The following PRTN3 variants were observed in gnomAD, a reference collection of about 807,000 sequenced individuals.
PRTN3 encodes myeloblastin.
In PRTN3, 22 loss-of-function variants were observed where a neutral mutation model predicts 20.7. That is an observed-to-expected ratio of 1.06 (90% CI 0.76 to 1.52). The LOEUF (loss-of-function observed/expected upper bound fraction) is 1.52. Ranked by LOEUF, PRTN3 falls within the 40% of genes most tolerant of loss-of-function variation. PRTN3 has a pLI of 0.00. For missense variants in PRTN3, 378 were observed against 359.6 expected (o/e 1.05, Z -0.41); for synonymous variants, 173 against 152.9 (o/e 1.13, Z -0.97).
chr19:843,196 G>T (rs760827765), intron 1 of PRTN3: 80 of 494,962 alleles, frequency 1.6e-4, no homozygotes, highest in Non-Finnish European at 2.1e-4. Flanking sequence ...GATTACAGGC[G>T]TGAGCCACTG....
At chr19:843,736 G>T in intron 2 of PRTN3, 110 bp downstream of exon 2, 2 of 1,465,214 alleles carry the variant, frequency 1.4e-6, no homozygotes, top group Non-Finnish European at 1.8e-6. Context: ...CCCGTCTGCA[G>T]ACCCCAGGCC....
intron 1 of PRTN3, among the ~76,000 whole-genome samples, chr19:842,685 T>TCAAGCGATTCTCCTGCGTC (rs1171643136): frequency 1.3e-5 from 2 of 149,052 alleles, no homozygotes; most frequent in African/African-American, 5.0e-5. Context: ...CTTCCTGGGT[T>TCAAGCGATTCTCCTGCGTC]CAAGCGATTC....
Position 846,308 on chromosome 19 carries a change from G to A in PRTN3, c.531G>A (p.Val177=), listed in dbSNP as rs762345102. The A allele has an allele frequency of 1.0e-5, 16 of 1,593,350 alleles. No individual in the cohort carries two copies. The African/African-American group carries it at 1.5e-4, about 15-fold the overall frequency. Residue 177 remains valine (V), a synonymous_variant, in exon 4 of 5, where the codon GTG becomes GTA. Transcript: ENST00000234347. ...TCCTGCAGGAGCTCAATGTCACCGT[G>A]GTCACCTTCTTCTGCCGGCCACATA... The part of the protein sequence containing the change: ...AQVLQELNVT[V]VTFFCRPHNI...
chr19:841,197 C>A, intron 1 of PRTN3, 128 bp downstream of exon 1: 2 of 1,236,186 alleles, frequency 1.6e-6, no homozygotes, highest in Non-Finnish European at 2.3e-6. Flanking sequence ...TCAGGGGAGA[C>A]TCCACTCACT....
In PRTN3 at chr19:843,607, G is replaced by C; in HGVS notation, c.208G>C (p.Ala70Pro). 6.3e-7 allele frequency: 1 copy of C among 1,594,558 alleles called. No individual in the cohort carries two copies. The highest frequency in any genetic ancestry group is 8.5e-7 in the Non-Finnish European group (1 of 1,175,508). ...CCACCCCAGCTTCGTGCTGACGGCC[G>C]CGCACTGCCTGCGGGACATGTGAGC... ...LIHPSFVLTA[A>P]HCLRDIPQRL... The change falls in exon 2 of 5, where the codon GCG (alanine) becomes CCG (proline). Residue 70 changes from alanine (A) to proline (P), a missense_variant. By Grantham distance (27) the Ala-to-Pro change is conservative. Coordinates refer to ENST00000234347, the MANE Select transcript of PRTN3 (RefSeq NM_002777.4).
At position 847,906 on chromosome 19, in the gene PRTN3, A is replaced by T. The variant is rs2035540778; in HGVS notation, c.708A>T (p.Val236=). 1 of 1,608,338 alleles carries T rather than the reference A, an allele frequency of 6.2e-7. No homozygotes were observed. Among genetic ancestry groups the T allele is most frequent in the African/African-American group, 1.3e-5 (1 of 74,878 alleles). The change falls in exon 5 of 5, where the codon GTA becomes GTT. Residue 236 remains valine, a synonymous_variant. Coordinates refer to ENST00000234347, the MANE Select transcript of PRTN3 (RefSeq NM_002777.4). ...TRLFPDFFTR[V]ALYVDWIRST... is the part of the protein sequence containing the mutation. ...TTTTCCCTGACTTCTTCACGCGGGT[A>T]GCCCTCTACGTGGACTGGATCCGTT...
At chr19:844,071 G>A (rs1286826300) in intron 3 of PRTN3, 37 bp downstream of exon 3, 48 of 1,570,110 alleles carry the variant, frequency 3.1e-5, no homozygotes, top group Non-Finnish European at 4.1e-5. Flanking sequence ...GGAGGGGCAC[G>A]GCCAGAGGGC....
chr19:843,750 C>A, intron 2 of PRTN3, 124 bp downstream of exon 2: 1 of 1,447,774 alleles, frequency 6.9e-7, no homozygotes, highest in South Asian at 1.4e-5. Context: ...CCAGGCCCCG[C>A]GCGCGTGGGC....
At chr19:841,473 T>A (rs1333850655) in intron 1 of PRTN3, among the ~76,000 whole-genome samples, 2 of 151,480 alleles carry the variant, frequency 1.3e-5, no homozygotes, top group African/African-American at 4.9e-5. Flanking sequence ...AATGAATCAA[T>A]GAGTGAGTGA....
chr19:844,171 G>A, intron 3 of PRTN3, 137 bp downstream of exon 3: 2 of 1,204,072 alleles, frequency 1.7e-6, no homozygotes, highest in Non-Finnish European at 2.2e-6. Context: ...GGGTCCAGTG[G>A]CACTGGCCGG....
In PRTN3 at chr19:846,347, C is replaced by G; in HGVS notation, c.570C>G (p.Phe190Leu). Reference protein sequence around the residue: ...FFCRPHNICTFVPRRKAGICF... With the variant: ...FFCRPHNICTLVPRRKAGICF... ...GCCGGCCACATAACATTTGCACTTT[C>G]GTCCCTCGCCGCAAGGCCGGCATCT... Residue 190 changes from phenylalanine (F) to leucine (L), a missense_variant, in exon 4 of 5, where the codon TTC becomes TTG. Coordinates refer to ENST00000234347, the MANE Select transcript of PRTN3 (RefSeq NM_002777.4). 6.4e-7 allele frequency: 1 copy of G among 1,568,428 alleles called. No homozygotes were observed. Among genetic ancestry groups the G allele is most frequent in the Non-Finnish European group, 8.6e-7 (1 of 1,157,868 alleles).
chr19:843,302 C>G, intron 1 of PRTN3, 159 bp from the exon 2 acceptor site: 3 of 687,760 alleles, frequency 4.4e-6, no homozygotes, highest in Non-Finnish European at 7.0e-6. Context: ...TAATTATAAC[C>G]CCCCCGGCCT....
Position 846,267 on chromosome 19 carries a change from G to A in PRTN3, c.490G>A (p.Asp164Asn), listed in dbSNP as rs748173148. The A allele has an allele frequency of 5.1e-6, 8 of 1,576,562 alleles. No individual in the cohort carries two copies. Among genetic ancestry groups the A allele is most frequent in the Middle Eastern group, 1.7e-4 (1 of 6,012 alleles). ...GGGCTGGGGCCGCGTGGGTGCCCAC[G>A]ACCCCCCAGCCCAGGTCCTGCAGGA... ...AMGWGRVGAHDPPAQVLQELN... is the reference protein window; with the variant it reads ...AMGWGRVGAHNPPAQVLQELN... Residue 164 changes from aspartate to asparagine, a missense_variant, in exon 4 of 5, where the codon GAC (aspartate) becomes AAC (asparagine). Transcript: ENST00000234347.
rs532805834 is a variant in PRTN3 at position 843,449 on chromosome 19, C to G, written c.62-12C>G. 2 of 1,544,408 alleles carry G rather than the reference C, an allele frequency of 1.3e-6. No individual in the cohort carries two copies. The highest frequency in any genetic ancestry group is 1.9e-5 in the Admixed American group (1 of 52,548). On this transcript the variant is annotated splice_polypyrimidine_tract_variant and intron_variant, in intron 1 of 4. Transcript: ENST00000234347. ...CTGGGGGCTCCCTGACGCCTGGACTCCCCCCCTGCAGGTGCTGCCCGAGCT... is the reference window on the plus strand; with the variant it reads ...CTGGGGGCTCCCTGACGCCTGGACTGCCCCCCTGCAGGTGCTGCCCGAGCT...
At chr19:844,586 C>T (rs1266798212) in intron 3 of PRTN3, among the ~76,000 whole-genome samples, 1 of 147,432 alleles carries the variant, frequency 6.8e-6, no homozygotes, top group African/African-American at 2.5e-5. Context: ...CCCTCGCCTC[C>T]TCCGGCGCCT....
At position 843,636 on chromosome 19, in the gene PRTN3, C is replaced by T. The variant is rs1014548605; in HGVS notation, c.227+10C>T. ...ACTGCCTGCGGGACATGTGAGCGGC[C>T]GCCTCCACACCCCTGTCCGCCCGCC... is the stretch of plus-strand genomic sequence containing the variant. On this transcript the variant is annotated intron_variant, in intron 2 of 4. Transcript: ENST00000234347. The T allele has an allele frequency of 1.4e-5, 22 of 1,542,098 alleles. No homozygotes were observed. The highest frequency in any genetic ancestry group is 1.7e-5 in the Non-Finnish European group (20 of 1,150,600).
At chr19:846,423 G>A (rs1249248118) in intron 4 of PRTN3, 46 bp downstream of exon 4, 2 of 1,521,950 alleles carry the variant, frequency 1.3e-6, no homozygotes, top group Non-Finnish European at 1.8e-6. Flanking sequence ...GCCATGAGGG[G>A]AGGAGGGCGG....
intron 1 of PRTN3, 22 bp downstream of exon 1, chr19:841,091 C>T (rs1212035439): frequency 6.2e-7 from 1 of 1,602,358 alleles, no homozygotes; most frequent in Non-Finnish European, 8.5e-7. Context: ...ACGTGCCCAT[C>T]CATCCAGCCT....
rs1218428742 is a variant in PRTN3 at position 846,274 on chromosome 19, C to A, written c.497C>A (p.Pro166Gln). The A allele has an allele frequency of 1.3e-5, 20 of 1,584,864 alleles. No homozygotes were observed. Among genetic ancestry groups the A allele is most frequent in the Non-Finnish European group, 1.6e-5 (19 of 1,166,516 alleles). Residue 166 changes from proline (P) to glutamine (Q), a missense_variant, in exon 4 of 5, where the codon CCA becomes CAA. Coordinates refer to ENST00000234347, the MANE Select transcript of PRTN3 (RefSeq NM_002777.4). Reference protein sequence around the residue: ...GWGRVGAHDPPAQVLQELNVT... With the variant: ...GWGRVGAHDPQAQVLQELNVT... ...GGCCGCGTGGGTGCCCACGACCCCC[C>A]AGCCCAGGTCCTGCAGGAGCTCAAT...
Sources: allele counts gnomAD v4.1 joint callset (sites outside exome capture counted in the v4.1 genomes callset), GRCh38; gene constraint gnomAD v4.1.1; transcripts MANE v1.5; gene names NCBI Gene and HGNC (gene_info 2026-07-23, HGNC 2026-07-21).